The following LHX8 variants were observed in gnomAD, a reference collection of about 807,000 sequenced individuals.
LHX8 encodes the protein LIM/homeobox protein Lhx8.
LHX8 carries 12 observed loss-of-function variants against 40.3 expected under a neutral mutation model. That is an observed-to-expected ratio of 0.30 (90% CI 0.19 to 0.48). LHX8 has a LOEUF of 0.48. LHX8 is among the 20% of genes least tolerant of loss of function. The probability of loss-of-function intolerance (pLI) is 0.99; values close to 1 mark genes in which losing one functional copy is unlikely to be tolerated. For missense variants in LHX8, 344 were observed against 433.7 expected (o/e 0.79, Z 1.84); for synonymous variants, 179 against 162.0 (o/e 1.10, Z -0.80).
intron 7 of LHX8, among the ~76,000 whole-genome samples, chr1:75,149,328 G>A (rs1331881312): frequency 6.6e-6 from 1 of 152,208 alleles, no homozygotes; most frequent in African/African-American, 2.4e-5. Flanking sequence ...GCCTGTGAAT[G>A]CAGAGTTCTC....
chr1:75,131,089 T>C (rs904434285), upstream of LHX8: 6 of 376,996 alleles, frequency 1.6e-5, no homozygotes, highest in African/African-American at 8.3e-5. Flanking sequence ...AGCAGGGCTC[T>C]GTTTCTGCGC....
intron 1 of LHX8, among the ~76,000 whole-genome samples, chr1:75,136,199 C>T (rs552022372): frequency 1.3e-5 from 2 of 152,326 alleles, no homozygotes; most frequent in South Asian, 4.1e-4. Context: ...TTCTCTCGCA[C>T]TCCACCTCCC....
chr1:75,152,754 G>A (rs760368221), intron 7 of LHX8, among the ~76,000 whole-genome samples: 7 of 152,124 alleles, frequency 4.6e-5, no homozygotes, highest in East Asian at 1.9e-4. Flanking sequence ...CAGGAGCTAC[G>A]TACAAGAGTT....
At chr1:75,130,429 G>C (rs1647931732), upstream of LHX8, 2 of 551,504 alleles carry the variant, frequency 3.6e-6, no homozygotes, top group South Asian at 4.6e-5. Context: ...CCGCGGGGCG[G>C]GTGGCGAAGG....
chr1:75,139,738 T>C (rs903538742), intron 3 of LHX8, among the ~76,000 whole-genome samples: 5 of 152,164 alleles, frequency 3.3e-5, no homozygotes, highest in African/African-American at 1.2e-4. Context: ...GTCATCAAAA[T>C]GAGACTCTCA....
intron 7 of LHX8, among the ~76,000 whole-genome samples, chr1:75,155,475 T>C (rs527782703): frequency 3.2e-3 from 480 of 152,096 alleles, no homozygotes; most frequent in Middle Eastern, 0.02. Context: ...ACCTTGTGAT[T>C]CGCCCGCCTT....
the LHX8 span, among the ~76,000 whole-genome samples, chr1:75,175,158 T>C: frequency 6.6e-6 from 1 of 152,262 alleles, no homozygotes; most frequent in Non-Finnish European, 1.5e-5. Flanking sequence ...TTTTTAGGGC[T>C]GAGTAGTATT....
Position 75,149,482 on chromosome 1 carries a change from T to TTTG in LHX8, c.780+821_780+823dup, listed in dbSNP as rs369217010. Among the ~76,000 whole-genome samples the TTTG allele has an allele frequency of 3.2e-3, 488 of 152,076 alleles. 2 individuals carry two copies. The highest frequency in any genetic ancestry group is 5.4e-3 in the Non-Finnish European group (365 of 67,978). ...GGAATGCCCAGCAACGTAGTGTGGT[T>TTTG]TTGTTGTTGTTGTTGTTGTTGTTTG... On this transcript the variant is annotated intron_variant, in intron 7 of 8. Coordinates refer to ENST00000356261, the MANE Select transcript of LHX8 (RefSeq NM_001256114.2).
chr1:75,137,097 C>A lies in LHX8; in HGVS notation c.76-3C>A, dbSNP rs1333511056. The stretch of plus-strand genomic sequence containing the variant: ...ACCGCCTGCGCCTCGCGGTTTCCTG[C>A]AGGTGAGCCCCGAGGGAGCGGGGGA... On this transcript the variant is annotated splice_region_variant and splice_polypyrimidine_tract_variant and intron_variant, in intron 2 of 8. Coordinates refer to ENST00000356261, the MANE Select transcript of LHX8 (RefSeq NM_001256114.2). The A allele has an allele frequency of 6.2e-7, 1 of 1,600,286 alleles. No homozygotes were observed. The highest frequency in any genetic ancestry group is 1.1e-5 in the South Asian group (1 of 90,488).
chr1:75,194,368 G>T, the LHX8 span, among the ~76,000 whole-genome samples: 1 of 152,160 alleles, frequency 6.6e-6, no homozygotes. Context: ...CTGGGCTCCT[G>T]CTTGAGGCAG....
intron 1 of LHX8, 72 bp downstream of exon 1, chr1:75,135,026 C>A (rs1480843679): frequency 1.3e-6 from 1 of 746,918 alleles, no homozygotes; most frequent in Non-Finnish European, 1.6e-6. Context: ...GAGGACTGGG[C>A]GGCTGTCGGG....
the LHX8 span, among the ~76,000 whole-genome samples, chr1:75,170,476 T>G: frequency 6.6e-6 from 1 of 152,174 alleles, no homozygotes; most frequent in Non-Finnish European, 1.5e-5. Context: ...ACTGACCATA[T>G]TATTTAATTG....
At chr1:75,164,838 A>T (rs892361652), downstream of LHX8, among the ~76,000 whole-genome samples, 1 of 150,388 alleles carries the variant, frequency 6.6e-6, no homozygotes, top group African/African-American at 2.4e-5. Context: ...CACCACACAA[A>T]TTTTTTTTTG....
the LHX8 span, among the ~76,000 whole-genome samples, chr1:75,171,175 C>T: frequency 6.6e-6 from 1 of 152,060 alleles, no homozygotes; most frequent in Non-Finnish European, 1.5e-5. Context: ...ATTTTGTTTA[C>T]ACCAAAATTC....
At chr1:75,152,064 T>C (rs1244333663) in intron 7 of LHX8, among the ~76,000 whole-genome samples, 4 of 152,258 alleles carry the variant, frequency 2.6e-5, no homozygotes. Context: ...GCTCACTATA[T>C]GTTGTAGCCC....
the LHX8 span, among the ~76,000 whole-genome samples, chr1:75,183,859 C>A: frequency 6.6e-6 from 1 of 152,194 alleles, no homozygotes; most frequent in African/African-American, 2.4e-5. Flanking sequence ...CAAGACCCAG[C>A]AGTATGCTGT....
the LHX8 span, among the ~76,000 whole-genome samples, chr1:75,191,390 G>T: frequency 6.6e-6 from 1 of 152,144 alleles, no homozygotes; most frequent in Admixed American, 6.5e-5. Flanking sequence ...CTCTCCAGCT[G>T]AGAGGATTTA....
the LHX8 span, among the ~76,000 whole-genome samples, chr1:75,170,751 C>T: frequency 6.6e-6 from 1 of 152,132 alleles, no homozygotes; most frequent in African/African-American, 2.4e-5. Flanking sequence ...CCTAAGCTTC[C>T]TGGAAGAATT....
downstream of LHX8, among the ~76,000 whole-genome samples, chr1:75,163,125 G>A (rs1648963773): frequency 6.6e-6 from 1 of 151,788 alleles, no homozygotes; most frequent in Non-Finnish European, 1.5e-5. Context: ...GGACAAGGTA[G>A]TATTTAGTAG....
Sources: gnomAD v4.1 joint callset for allele counts (sites outside exome capture counted in the v4.1 genomes callset) on GRCh38, gnomAD v4.1.1 for gene constraint, MANE v1.5 for transcripts, NCBI Gene and HGNC (gene_info 2026-07-23, HGNC 2026-07-21) for gene names.